Variants in TAB2 observed in about 807,000 individuals in gnomAD.
TAB2 encodes the protein TGF-beta-activated kinase 1 and MAP3K7-binding protein 2.
In TAB2, 3 loss-of-function variants were observed where a neutral mutation model predicts 65.0. That is an observed-to-expected ratio of 0.05 (90% CI 0.02 to 0.12). TAB2 has a LOEUF of 0.12. TAB2 is among the 10% of genes least tolerant of loss of function. TAB2 has a pLI of 1.00. For missense variants in TAB2, 623 were observed against 840.3 expected, an observed-to-expected ratio of 0.74 and a Z score of 3.20; for synonymous variants, 298 against 285.1, an observed-to-expected ratio of 1.05 and a Z score of -0.46.
chr6:149,256,733 A>G (rs1314254390), intron 1 of TAB2, among the ~76,000 whole-genome samples: 1 of 152,192 alleles, frequency 6.6e-6, no homozygotes, highest in Non-Finnish European at 1.5e-5. Flanking sequence ...GATGACTGAC[A>G]TGTACTTGAT....
At chr6:149,399,891 C>T (rs1321748591) in intron 6 of TAB2, among the ~76,000 whole-genome samples, 10 of 152,088 alleles carry the variant, frequency 6.6e-5, no homozygotes, top group Non-Finnish European at 1.3e-4. Flanking sequence ...TGCAAGAACA[C>T]AAAAGTGTGG....
chr6:149,225,167 G>A (rs1179298920), intron 1 of TAB2, among the ~76,000 whole-genome samples: 2 of 152,274 alleles, frequency 1.3e-5, no homozygotes, highest in East Asian at 1.9e-4. Context: ...GCCAAACACC[G>A]GAAATGGAAA....
rs1781281072 is a variant in TAB2, at chr6:149,372,995, A to G, written c.102+2896A>G. On this transcript the variant is annotated intron_variant, in intron 2 of 6. Coordinates refer to ENST00000637181, the MANE Select transcript of TAB2 (RefSeq NM_001292034.3). ...TCATGCCATGCTACCAATTCTGTGTACCTGTTCTTTTTAAACATCTTGCTT... is the reference window on the plus strand; with the variant it reads ...TCATGCCATGCTACCAATTCTGTGTGCCTGTTCTTTTTAAACATCTTGCTT... Among the ~76,000 whole-genome samples the G allele has an allele frequency of 2.0e-5, 3 of 152,152 alleles. 1 individual carries two copies. The South Asian group carries it at 6.2e-4, about 31-fold the overall frequency.
chr6:149,243,855 T>C (rs989584941), intron 1 of TAB2: 7 of 152,238 alleles, frequency 4.6e-5, no homozygotes, highest in Non-Finnish European at 1.0e-4. Flanking sequence ...CTTATTATAC[T>C]GTGAAATCTG....
At chr6:149,352,745 G>A (rs1176849213) in intron 1 of TAB2, among the ~76,000 whole-genome samples, 1 of 152,150 alleles carries the variant, frequency 6.6e-6, no homozygotes, top group Non-Finnish European at 1.5e-5. Context: ...TCTTGAGAGG[G>A]CTCATCACAG....
chr6:149,353,228 G>GTGCTGC (rs142975108), intron 1 of TAB2, among the ~76,000 whole-genome samples: 4 of 151,730 alleles, frequency 2.6e-5, no homozygotes, highest in African/African-American at 7.3e-5. Context: ...AAAGCTCTGG[G>GTGCTGC]TGCTGCTGCT....
chr6:149,321,544 T>G (rs1429048922), intron 1 of TAB2, among the ~76,000 whole-genome samples: 1 of 152,176 alleles, frequency 6.6e-6, no homozygotes, highest in Non-Finnish European at 1.5e-5. Flanking sequence ...TACTAGTAAG[T>G]GGTACTTAAC....
intron 1 of TAB2, among the ~76,000 whole-genome samples, chr6:149,309,692 T>C (rs1422011221): frequency 1.4e-5 from 2 of 145,142 alleles, no homozygotes; most frequent in Non-Finnish European, 3.0e-5. Flanking sequence ...CCACCACGCC[T>C]GCCCTCAATT....
chr6:149,344,425 G>T lies in TAB2; in HGVS notation c.-89-25484G>T, dbSNP rs534257866. ...GGAGAGAATCAGCTTTGTGGAGAAG[G>T]TAATGTTTCTGCTGAACCATGAAGG... is the stretch of plus-strand genomic sequence containing the variant. On this transcript the variant is annotated intron_variant, in intron 1 of 6. Coordinates refer to ENST00000637181, the MANE Select transcript of TAB2 (RefSeq NM_001292034.3). 7.9e-5 allele frequency among the ~76,000 whole-genome samples: 12 copies of T among 152,222 alleles called. No homozygotes were observed. The South Asian group carries it at 2.5e-3, about 32-fold the overall frequency.
At chr6:149,285,771 C>A (rs1185338529) in intron 1 of TAB2, among the ~76,000 whole-genome samples, 1 of 152,160 alleles carries the variant, frequency 6.6e-6, no homozygotes, top group African/African-American at 2.4e-5. Flanking sequence ...AATCTTAAAT[C>A]AATGGTTTTC....
chr6:149,278,189 T>G (rs1231899064), intron 1 of TAB2, among the ~76,000 whole-genome samples: 2 of 152,222 alleles, frequency 1.3e-5, no homozygotes, highest in Non-Finnish European at 1.5e-5. Flanking sequence ...AGCAACATAT[T>G]ATTTGTACCT....
intron 1 of TAB2, among the ~76,000 whole-genome samples, chr6:149,347,385 ATTG>A (rs1780340557): frequency 6.6e-6 from 1 of 152,190 alleles, no homozygotes; most frequent in Non-Finnish European, 1.5e-5. Flanking sequence ...ATTAATGTTT[ATTG>A]TTATTCTTTA....
intron 3 of TAB2, among the ~76,000 whole-genome samples, chr6:149,390,760 T>C (rs1781957368): frequency 6.6e-6 from 1 of 152,232 alleles, no homozygotes; most frequent in African/African-American, 2.4e-5. Flanking sequence ...CCTTTATCCA[T>C]TAAAATTTAA....
chr6:149,323,122 C>T (rs1040586819), intron 1 of TAB2, among the ~76,000 whole-genome samples: 2 of 152,078 alleles, frequency 1.3e-5, no homozygotes, highest in Admixed American at 6.6e-5. Flanking sequence ...TAAATTACAG[C>T]TCTTTTTGTA....
At chr6:149,359,726 T>C (rs1027587849) in intron 1 of TAB2, among the ~76,000 whole-genome samples, 1 of 152,236 alleles carries the variant, frequency 6.6e-6, no homozygotes, top group African/African-American at 2.4e-5. Flanking sequence ...TAAACACTTA[T>C]TATAGTGGCT....
chr6:149,400,108 A>G, intron 6 of TAB2: 1 of 433,724 alleles, frequency 2.3e-6, no homozygotes, highest in South Asian at 4.9e-5. Flanking sequence ...GTAAGTCCTC[A>G]CTTATTAGTA....
chr6:149,295,318 G>C (rs1015707709), intron 1 of TAB2, among the ~76,000 whole-genome samples: 1 of 152,128 alleles, frequency 6.6e-6, no homozygotes, highest in Non-Finnish European at 1.5e-5. Flanking sequence ...ACTACAGTGG[G>C]TTCTAAGTAA....
Position 149,370,116 on chromosome 6 carries a change from T to A in TAB2, c.102+17T>A. 2 of 1,605,146 alleles carry A rather than the reference T, an allele frequency of 1.2e-6. No homozygotes were observed. Among genetic ancestry groups the A allele is most frequent in the African/African-American group, 1.3e-5 (1 of 74,894 alleles). ...ATGTTACAGGTCAGTGTTCAATGAT[T>A]TCTGAATTTGTTAATACAAACCTGG... On this transcript the variant is annotated intron_variant, in intron 2 of 6. Transcript: ENST00000637181.
At chr6:149,260,569 G>T (rs956843883) in intron 1 of TAB2, among the ~76,000 whole-genome samples, 6 of 152,206 alleles carry the variant, frequency 3.9e-5, no homozygotes, top group African/African-American at 1.4e-4. Context: ...ACACATCATG[G>T]ACAAATCATC....
Sources: allele counts gnomAD v4.1 joint callset (sites outside exome capture counted in the v4.1 genomes callset), GRCh38; gene constraint gnomAD v4.1.1; transcripts MANE v1.5; gene names NCBI Gene and HGNC (gene_info 2026-07-23, HGNC 2026-07-21).